The following COX7B2 variants were observed in gnomAD, a reference collection of about 807,000 sequenced individuals.
COX7B2 encodes the protein cytochrome c oxidase subunit 7B2.
For synonymous variants in COX7B2, 37 were observed against 32.1 expected (o/e 1.15, Z -0.51); for missense variants, 109 against 95.9 (o/e 1.14, Z -0.57).
intron 2 of COX7B2, among the ~76,000 whole-genome samples, chr4:46,827,176 A>C (rs1366521633): frequency 6.6e-6 from 1 of 152,088 alleles, no homozygotes; most frequent in African/African-American, 2.4e-5. Flanking sequence ...GAAAGAAAAA[A>C]ATATTTGCAG....
intron 2 of COX7B2, among the ~76,000 whole-genome samples, chr4:46,762,023 CT>C (rs1223295739): frequency 2.7e-5 from 4 of 150,790 alleles, no homozygotes; most frequent in Non-Finnish European, 5.9e-5. Context: ...AGCTCTGCAA[CT>C]TTATTAATTA....
intron 2 of COX7B2, among the ~76,000 whole-genome samples, chr4:46,746,488 G>A (rs183279129): frequency 1.3e-5 from 2 of 152,298 alleles, no homozygotes; most frequent in East Asian, 3.9e-4. Context: ...GAGGTAGGCA[G>A]AATGGATATT....
chr4:46,842,482 T>C (rs1715995891), intron 2 of COX7B2, among the ~76,000 whole-genome samples: 2 of 152,054 alleles, frequency 1.3e-5, no homozygotes, highest in South Asian at 2.1e-4. Flanking sequence ...ACATGTGCCA[T>C]GCTGATGTGC....
chr4:46,794,329 A>ATTGG (rs1230705324), intron 2 of COX7B2, among the ~76,000 whole-genome samples: 1 of 152,176 alleles, frequency 6.6e-6, no homozygotes, highest in Non-Finnish European at 1.5e-5. Flanking sequence ...AAGGATTATA[A>ATTGG]TTGGTTGGTT....
chr4:46,736,727 TG>T (rs1298199801), intron 2 of COX7B2, among the ~76,000 whole-genome samples: 1 of 152,184 alleles, frequency 6.6e-6, no homozygotes, highest in African/African-American at 2.4e-5. Context: ...CTGTTCAGAC[TG>T]GCTTCTTTCA....
At chr4:46,851,553 T>C (rs1716687704) in intron 1 of COX7B2, among the ~76,000 whole-genome samples, 1 of 152,054 alleles carries the variant, frequency 6.6e-6, no homozygotes, top group South Asian at 2.1e-4. Context: ...TTAACTAAAC[T>C]CTAGACTTTA....
chr4:46,751,431 A>G (rs1044418409), intron 2 of COX7B2, among the ~76,000 whole-genome samples: 1 of 152,180 alleles, frequency 6.6e-6, no homozygotes, highest in Non-Finnish European at 1.5e-5. Context: ...CACTTCTAGC[A>G]AAACATGTAC....
chr4:46,883,130 G>A (rs1718855288), intron 1 of COX7B2, among the ~76,000 whole-genome samples: 2 of 152,102 alleles, frequency 1.3e-5, no homozygotes, highest in Non-Finnish European at 2.9e-5. Context: ...TGAATCATAG[G>A]TAAAGCCGGT....
intron 2 of COX7B2, among the ~76,000 whole-genome samples, chr4:46,738,338 T>C (rs898028821): frequency 1.3e-5 from 2 of 152,142 alleles, no homozygotes; most frequent in African/African-American, 4.8e-5. Flanking sequence ...TTCCCATATC[T>C]ATAAAGCTTT....
At chr4:46,764,830 G>A (rs965820985) in intron 2 of COX7B2, among the ~76,000 whole-genome samples, 2 of 150,944 alleles carry the variant, frequency 1.3e-5, no homozygotes, top group East Asian at 2.0e-4. Flanking sequence ...AACATAAAGA[G>A]AAAAGAATCA....
intron 2 of COX7B2, among the ~76,000 whole-genome samples, chr4:46,801,097 G>T (rs960545304): frequency 3.9e-5 from 6 of 152,050 alleles, no homozygotes; most frequent in Non-Finnish European, 7.4e-5. Context: ...AACAGACTCT[G>T]GCAAACCTAG....
intron 2 of COX7B2, among the ~76,000 whole-genome samples, chr4:46,793,041 A>G (rs962046283): frequency 1.6e-4 from 24 of 152,236 alleles, no homozygotes; most frequent in African/African-American, 4.6e-4. Context: ...CTTGGCAGTC[A>G]AAGACAGGTT....
rs542225751 is a variant in COX7B2, at chr4:46,791,091, T to C, written c.-50+53869A>G. 1.2e-3 allele frequency among the ~76,000 whole-genome samples: 186 copies of C among 152,158 alleles called. 1 individual carries two copies. The highest frequency in any genetic ancestry group is 4.2e-3 in the African/African-American group (176 of 41,522). ...CTCGGCTCACTGCAAGCTCCGCCTC[T>C]GGGGTTCACGCATTCTGGTGCCTCA... On this transcript the variant is annotated intron_variant, in intron 2 of 2. Coordinates refer to ENST00000355591, the MANE Select transcript of COX7B2 (RefSeq NM_130902.3).
chr4:46,897,181 T>C (rs1316173818), intron 1 of COX7B2, among the ~76,000 whole-genome samples: 2 of 152,178 alleles, frequency 1.3e-5, no homozygotes, highest in East Asian at 3.9e-4. Context: ...TCAAGACAGG[T>C]GCAACTGTCT....
At chr4:46,737,744 A>G (rs1263908158) in intron 2 of COX7B2, among the ~76,000 whole-genome samples, 5 of 152,154 alleles carry the variant, frequency 3.3e-5, no homozygotes, top group Non-Finnish European at 5.9e-5. Context: ...GCAATGACAT[A>G]TCTTAACTGT....
At chr4:46,889,225 T>G (rs1353249691) in intron 1 of COX7B2, among the ~76,000 whole-genome samples, 1 of 152,218 alleles carries the variant, frequency 6.6e-6, no homozygotes, top group Admixed American at 6.5e-5. Flanking sequence ...TCATATTTCC[T>G]CCTCCCATTA....
chr4:46,826,976 G>A (rs999340322), intron 2 of COX7B2, among the ~76,000 whole-genome samples: 1 of 152,034 alleles, frequency 6.6e-6, no homozygotes, highest in African/African-American at 2.4e-5. Context: ...CACTGAATAT[G>A]ACCAAATGGT....
At chr4:46,737,375 C>A (rs533438910) in intron 2 of COX7B2, among the ~76,000 whole-genome samples, 1 of 152,226 alleles carries the variant, frequency 6.6e-6, no homozygotes, top group East Asian at 1.9e-4. Flanking sequence ...TAAATACTTT[C>A]TTCAAGCCTG....
At chr4:46,823,107 T>G (rs376068808) in intron 2 of COX7B2, among the ~76,000 whole-genome samples, 1 of 152,044 alleles carries the variant, frequency 6.6e-6, no homozygotes, top group African/African-American at 2.4e-5. Flanking sequence ...TAGCCTTTTG[T>G]TCCAGGAAAC....
Sources: allele counts gnomAD v4.1 joint callset (sites outside exome capture counted in the v4.1 genomes callset), GRCh38; gene constraint gnomAD v4.1.1; transcripts MANE v1.5; gene names NCBI Gene and HGNC (gene_info 2026-07-23, HGNC 2026-07-21).